The following AACS variants were observed in gnomAD, a reference collection of about 807,000 sequenced individuals.
The protein encoded by AACS is acetoacetyl-CoA synthetase.
AACS carries 69 observed loss-of-function variants against 83.1 expected under a neutral mutation model. The ratio of observed to expected loss-of-function variants is 0.83; its 90% CI spans 0.68 to 1.01. The LOEUF (loss-of-function observed/expected upper bound fraction) is 1.01. Among genes scored for constraint, AACS ranks in the 50% least tolerant of loss-of-function variants. The pLI, the probability that AACS is intolerant of heterozygous loss-of-function variation, is 0.00. For missense variants in AACS, 866 were observed against 882.2 expected (o/e 0.98, Z 0.23); for synonymous variants, 333 against 343.4 (o/e 0.97, Z 0.33).
At chr12:125,070,379 A>G (rs1955828032) in intron 1 of AACS, among the ~76,000 whole-genome samples, 1 of 152,148 alleles carries the variant, frequency 6.6e-6, no homozygotes, top group African/African-American at 2.4e-5. Context: ...ATAGCCTGTA[A>G]TCTCAGCTAC....
intron 1 of AACS, among the ~76,000 whole-genome samples, chr12:125,066,692 G>A (rs566802643): frequency 4.6e-5 from 7 of 152,062 alleles, no homozygotes; most frequent in East Asian, 3.9e-4. Flanking sequence ...CAGGTGATCC[G>A]ATCGCCTTGG....
At chr12:125,091,030 C>A (rs1401227889) in intron 4 of AACS, 3 of 219,360 alleles carry the variant, frequency 1.4e-5, no homozygotes, top group African/African-American at 2.2e-5. Flanking sequence ...TGAAGAGCTG[C>A]AGGATGAGCG....
intron 17 of AACS, among the ~76,000 whole-genome samples, chr12:125,137,974 A>T (rs886903214): frequency 6.6e-6 from 1 of 152,286 alleles, no homozygotes; most frequent in East Asian, 1.9e-4. Flanking sequence ...GAAATATCTG[A>T]TGCCGTTTAC....
rs745857438 is a variant in AACS, at chr12:125,125,012, G to C, written c.1297G>C (p.Gly433Arg). 8.1e-6 allele frequency: 13 copies of C among 1,614,114 alleles called. No homozygotes were observed. Among genetic ancestry groups the C allele is most frequent in the Non-Finnish European group, 1.0e-5 (12 of 1,180,034 alleles). Residue 433 changes from glycine to arginine, a missense_variant, in exon 12 of 18, where the codon GGC (glycine) becomes CGC (arginine). Transcript: ENST00000316519. ...GTGCATCAAGAGCAGCATCCTCCTG[G>C]GCTCCATCTCAGGTATGGCCCCGGT... is the stretch of plus-strand genomic sequence containing the variant. Reference protein sequence around the residue: ...YRCIKSSILLGSISGGTDIIS... With the variant: ...YRCIKSSILLRSISGGTDIIS...
chr12:125,110,241 G>C (rs1193537468), intron 8 of AACS, among the ~76,000 whole-genome samples: 4 of 88,890 alleles, frequency 4.5e-5, no homozygotes, highest in Non-Finnish European at 9.9e-5. Flanking sequence ...GTGTGTGTGT[G>C]TGTGTGTGTT....
chr12:125,076,400 CT>C, intron 2 of AACS, 90 bp from the exon 3 acceptor site: 1 of 1,540,864 alleles, frequency 6.5e-7, no homozygotes, highest in Non-Finnish European at 8.8e-7. Flanking sequence ...AGAAGAACCA[CT>C]TTTGCTGATT....
rs371263015 is a variant in AACS, at chr12:125,107,234, C to T, written c.881C>T (p.Thr294Met). The part of the protein sequence containing the change: ...PLFIMFSSGT[T>M]GAPKCMVHSA... ...TTCATCATGTTCTCATCGGGCACCA[C>T]GGGCGCACCCAAGTGCATGGTGCAT... Residue 294 changes from threonine to methionine, a missense_variant, in exon 8 of 18, where the codon ACG (threonine) becomes ATG (methionine). By Grantham distance (81) the Thr-to-Met change is moderately conservative. Transcript: ENST00000316519. 115 of 1,613,914 alleles carry T rather than the reference C, an allele frequency of 7.1e-5. No individual in the cohort carries two copies. Among genetic ancestry groups the T allele is most frequent in the East Asian group, 6.0e-4 (27 of 44,906 alleles).
rs1300822591 is a variant in AACS, at chr12:125,094,991, G to GTA, written c.570+3469_570+3470insAT. 2.6e-5 allele frequency among the ~76,000 whole-genome samples: 1 copy of GTA among 39,136 alleles called. No individual in the cohort carries two copies. Among genetic ancestry groups the GTA allele is most frequent in the Non-Finnish European group, 6.0e-5 (1 of 16,708 alleles). 25.7% of individuals were successfully genotyped at this position (39,136 alleles called of 152,430 possible). A position where few individuals can be genotyped will look rare whatever the true frequency, so the allele number is the denominator to read the frequency against. ...CCATCAGGTGGCCGTGTGTGTGTGTGTGTGTGTGTGTGTGTGTGTGTGTGT... is the reference window on the plus strand; with the variant it reads ...CCATCAGGTGGCCGTGTGTGTGTGTGTATGTGTGTGTGTGTGTGTGTGTGTGT... On this transcript the variant is annotated intron_variant, in intron 5 of 17. Transcript: ENST00000316519. This position sits in a 1 kb window ranked among gnomAD's most constrained non-coding sequence, Gnocchi z 4.1.
rs1273295255 is a variant in AACS at position 125,129,866 on chromosome 12, C to T, written c.1549+406C>T. 6.6e-6 allele frequency among the ~76,000 whole-genome samples: 1 copy of T among 152,154 alleles called. No individual in the cohort carries two copies. The highest frequency in any genetic ancestry group is 1.5e-5 in the Non-Finnish European group (1 of 68,020). ...GGCTCGGGTCTCTTCCTTCGTGTCT[C>T]TCACCATCATCCAGTCCTCATGGAG... On this transcript the variant is annotated intron_variant, in intron 14 of 17. Coordinates refer to ENST00000316519, the MANE Select transcript of AACS (RefSeq NM_023928.5). The surrounding 1 kb of genome is among the most constrained non-coding windows in gnomAD (Gnocchi z 4.3).
At chr12:125,110,601 A>G (rs777754505) in intron 8 of AACS, among the ~76,000 whole-genome samples, 16 of 151,948 alleles carry the variant, frequency 1.1e-4, no homozygotes, top group Non-Finnish European at 1.5e-4. Flanking sequence ...CCATTTCCCT[A>G]TCAGTTGGCT....
At chr12:125,098,329 A>G (rs1956656121) in intron 5 of AACS, among the ~76,000 whole-genome samples, 1 of 151,684 alleles carries the variant, frequency 6.6e-6, no homozygotes, top group African/African-American at 2.4e-5. Flanking sequence ...CGGGAGGTTG[A>G]GTCTGAGTGA....
At chr12:125,090,386 ATCC>A (rs2136074077) in intron 4 of AACS, among the ~76,000 whole-genome samples, 1 of 149,900 alleles carries the variant, frequency 6.7e-6, no homozygotes, top group African/African-American at 2.5e-5. Context: ...CCATTCATTT[ATCC>A]TCCACCCATC....
chr12:125,115,040 G>A (rs370467696), intron 9 of AACS, among the ~76,000 whole-genome samples: 7 of 152,246 alleles, frequency 4.6e-5, no homozygotes, highest in South Asian at 2.1e-4. Context: ...AGTTGGGCCC[G>A]CTCCTCCGCC....
intron 5 of AACS, among the ~76,000 whole-genome samples, chr12:125,095,346 G>A (rs1038445859): frequency 6.6e-6 from 1 of 152,154 alleles, no homozygotes; most frequent in Non-Finnish European, 1.5e-5. Flanking sequence ...AGAAACACTC[G>A]TCTTTGTAGC....
intron 4 of AACS, among the ~76,000 whole-genome samples, chr12:125,087,458 G>A (rs1011469767): frequency 6.6e-6 from 1 of 152,238 alleles, no homozygotes; most frequent in Non-Finnish European, 1.5e-5. Flanking sequence ...TGAGATGCAG[G>A]TAGGTGTGTA....
Position 125,134,779 on chromosome 12 carries a change from C to T in AACS, c.1620-15C>T, listed in dbSNP as rs893582082. The T allele has an allele frequency of 6.2e-7, 1 of 1,614,150 alleles. No homozygotes were observed. The highest frequency in any genetic ancestry group is 1.3e-5 in the African/African-American group (1 of 75,044). ...CAGAGCTGCGGTGTGGCCCTGACCT[C>T]TTCTCTCTTTCCAGTGACGGCACCC... On this transcript the variant is annotated splice_polypyrimidine_tract_variant and intron_variant, in intron 15 of 17. Transcript: ENST00000316519.
chr12:125,118,995 G>C (rs564844527), intron 10 of AACS, among the ~76,000 whole-genome samples: 1 of 152,250 alleles, frequency 6.6e-6, no homozygotes, highest in African/African-American at 2.4e-5. Flanking sequence ...TCCCTCCAGA[G>C]TGAGGGCTGA....
rs565917616 is a variant in AACS at position 125,136,911 on chromosome 12, G to A, written c.1881+47G>A. 1.1e-5 allele frequency: 18 copies of A among 1,587,930 alleles called. No homozygotes were observed. In the South Asian group the frequency reaches 1.3e-4, roughly 12 times the overall value. On this transcript the variant is annotated intron_variant, in intron 17 of 17. Coordinates refer to ENST00000316519, the MANE Select transcript of AACS (RefSeq NM_023928.5). ...GAGGAGACCGCAGCCATCGCCCCAC[G>A]AGCCCACACATTGAGGGGCGCTTAC...
chr12:125,126,278 C>T (rs1957243629), intron 12 of AACS: 1 of 152,000 alleles, frequency 6.6e-6, no homozygotes, highest in Non-Finnish European at 1.5e-5. Flanking sequence ...CATTTTTTCT[C>T]ATAACTTTTT....
Sources: allele counts gnomAD v4.1 joint callset (sites outside exome capture counted in the v4.1 genomes callset), GRCh38; gene constraint gnomAD v4.1.1; non-coding constraint Gnocchi (gnomAD v3.1); transcripts MANE v1.5; gene names NCBI Gene and HGNC (gene_info 2026-07-23, HGNC 2026-07-21).